Variants in AP3D1 observed in about 807,000 individuals in gnomAD.
The protein encoded by AP3D1 is adaptor related protein complex 3 subunit delta 1.
AP3D1 carries 51 observed loss-of-function variants against 147.6 expected under a neutral mutation model. That is an observed-to-expected ratio of 0.35 (90% CI 0.28 to 0.44). The LOEUF (loss-of-function observed/expected upper bound fraction) is 0.44. AP3D1 is among the 20% of genes least tolerant of loss of function. The pLI, the probability that AP3D1 is intolerant of heterozygous loss-of-function variation, is 1.00. For missense variants in AP3D1, 1,421 were observed against 1,624.2 expected (o/e 0.87, Z 2.15); for synonymous variants, 760 against 663.0 (o/e 1.15, Z -2.25).
In AP3D1 at chr19:2,112,975, G is replaced by A. The variant is rs2145028590; in HGVS notation, c.2680-8C>T. 1.2e-6 allele frequency: 2 copies of A among 1,604,100 alleles called. No homozygotes were observed. Among genetic ancestry groups the A allele is most frequent in the Non-Finnish European group, 1.7e-6 (2 of 1,175,926 alleles). On this transcript the variant is annotated splice_region_variant and splice_polypyrimidine_tract_variant and intron_variant, in intron 23 of 31. Transcript: ENST00000643116. ...GTTCACACTGAGCTCCCCCTGCAGG[G>A]AGCCAGGGCTTGGGGCTCATGCTGG...
chr19:2,132,504 A>C lies in AP3D1; in HGVS notation c.429T>G (p.Leu143=). The C allele has an allele frequency of 6.2e-7, 1 of 1,609,206 alleles. No individual in the cohort carries two copies. The highest frequency in any genetic ancestry group is 8.5e-7 in the Non-Finnish European group (1 of 1,175,964). Residue 143 remains leucine, a synonymous_variant, in exon 5 of 32, where the codon CTT becomes CTG. Transcript: ENST00000643116. ...TGLSCFVTPD[L]ARDLANDIMT... ...TGATGTCATTTGCCAGGTCTCTGGC[A>C]AGGTCTGGGGTGACGAAGCAGGACA...
At chr19:2,153,946 AT>A (rs879565994), upstream of AP3D1, among the ~76,000 whole-genome samples, 5,449 of 74,292 alleles carry the variant, frequency 0.073, 116 homozygotes, top group Non-Finnish European at 0.12. Context: ...CCCAGCCTGA[AT>A]TTTTTTTTTT....
chr19:2,112,859 C>T lies in AP3D1; in HGVS notation c.2787+1G>A. On this transcript the variant is annotated splice_donor_variant, in intron 24 of 31. Coordinates refer to ENST00000643116, the MANE Select transcript of AP3D1 (RefSeq NM_001261826.3). LOFTEE classifies it high-confidence loss of function. ...AGCCCCTGGGGGAGTGACAGCCTCACCTTGTCCTGGTCTTGCCCCTCGGCA... is the reference window on the plus strand; with the variant it reads ...AGCCCCTGGGGGAGTGACAGCCTCATCTTGTCCTGGTCTTGCCCCTCGGCA... The T allele has an allele frequency of 6.2e-7, 1 of 1,608,982 alleles. No individual in the cohort carries two copies.
At position 2,151,346 on chromosome 19, in the gene AP3D1, A is replaced by G. The variant is rs769361057; in HGVS notation, c.-12T>C. ...ATCTTGAGGGCCATCGCGGCGGCCC[A>G]CGGGCTTTTGCCTCGGGAGGCCCGC... On this transcript the variant is annotated 5_prime_UTR_variant, in exon 1 of 32. Transcript: ENST00000643116. 1 of 1,553,650 alleles carries G rather than the reference A, an allele frequency of 6.4e-7. No homozygotes were observed. Among genetic ancestry groups the G allele is most frequent in the Non-Finnish European group, 8.7e-7 (1 of 1,147,234 alleles).
intron 1 of AP3D1, among the ~76,000 whole-genome samples, chr19:2,163,717 C>A (rs973854338): frequency 6.6e-6 from 1 of 151,842 alleles, no homozygotes; most frequent in South Asian, 2.1e-4. Context: ...CGCTTCGGGC[C>A]GGCGAGTGGG....
intron 1 of AP3D1, among the ~76,000 whole-genome samples, chr19:2,162,651 G>T (rs1314079813): frequency 1.3e-5 from 2 of 148,932 alleles, no homozygotes; most frequent in Non-Finnish European, 3.0e-5. Flanking sequence ...GACAGAGCGA[G>T]ACTGTGTGTC....
At chr19:2,124,519 T>C (rs1343041285) in intron 9 of AP3D1, among the ~76,000 whole-genome samples, 1 of 152,184 alleles carries the variant, frequency 6.6e-6, no homozygotes, top group African/African-American at 2.4e-5. Context: ...GGACAGAGAC[T>C]CATTTTCCAC....
intron 31 of AP3D1, 111 bp downstream of exon 31, chr19:2,108,576 A>G (rs1456573927): frequency 3.1e-6 from 3 of 953,768 alleles, no homozygotes; most frequent in Non-Finnish European, 4.8e-6. Context: ...TGCTGCCATC[A>G]CTGTCCTCGA....
Position 2,111,920 on chromosome 19 carries a change from G to A in AP3D1, c.2788-92C>T. The A allele has an allele frequency of 1.9e-6, 3 of 1,582,178 alleles. No homozygotes were observed. In the East Asian group the frequency reaches 6.7e-5, roughly 36 times the overall value. On this transcript the variant is annotated intron_variant, in intron 24 of 31. Coordinates refer to ENST00000643116, the MANE Select transcript of AP3D1 (RefSeq NM_001261826.3). Reference sequence around the variant, plus strand: ...GTCAGGATCACAGCAGGGCTGCTCAGGCTGAGGGTCCCACGTGCCTGGGTG... The same window carrying A: ...GTCAGGATCACAGCAGGGCTGCTCAAGCTGAGGGTCCCACGTGCCTGGGTG...
intron 4 of AP3D1, among the ~76,000 whole-genome samples, chr19:2,134,905 AAAT>A (rs1445260266): frequency 1.3e-5 from 2 of 151,646 alleles, no homozygotes; most frequent in African/African-American, 4.8e-5. Flanking sequence ...CCGGCCCAGG[AAAT>A]AATTTTTTTT....
chr19:2,122,585 C>T (rs1022799426), intron 11 of AP3D1, among the ~76,000 whole-genome samples: 5 of 152,144 alleles, frequency 3.3e-5, no homozygotes, highest in South Asian at 2.1e-4. Flanking sequence ...GTGCCTATGG[C>T]GAAGTTCAGT....
Position 2,130,509 on chromosome 19 carries a change from T to A in AP3D1, c.491A>T (p.Lys164Met). 1 of 1,614,092 alleles carries A rather than the reference T, an allele frequency of 6.2e-7. No homozygotes were observed. The change falls in exon 6 of 32, where the codon AAG becomes ATG. Residue 164 changes from lysine to methionine, a missense_variant. By Grantham distance (95) the Lys-to-Met change is moderately conservative. Around this residue, in one of 6 missense-constraint regions of AP3D1, gnomAD observed 292 missense variants for 412.0 expected, o/e 0.71. Transcript: ENST00000643116. The stretch of plus-strand genomic sequence containing the variant: ...CTTGTACATGATCAGCACAGCCTTC[T>A]TCCTGATGTAGGGCTTGGTGTGTGA... Reference protein sequence around the residue: ...LMSHTKPYIRKKAVLIMYKVF... With the variant: ...LMSHTKPYIRMKAVLIMYKVF...
intron 31 of AP3D1, among the ~76,000 whole-genome samples, chr19:2,107,861 G>A (rs1208199368): frequency 2.6e-5 from 4 of 152,118 alleles, no homozygotes; most frequent in African/African-American, 7.2e-5. Flanking sequence ...GGAGCAGCGC[G>A]AATACGGCAC....
chr19:2,151,854 T>G (rs1310371929), upstream of AP3D1, among the ~76,000 whole-genome samples: 1 of 152,248 alleles, frequency 6.6e-6, no homozygotes, highest in Non-Finnish European at 1.5e-5. Flanking sequence ...TCCCACCAGC[T>G]GACAGGTGTG....
chr19:2,110,106 C>T lies in AP3D1; in HGVS notation c.3264+30G>A, dbSNP rs368539081. ...GAGGAGCCCCTGCCTGCAGAGTCGG[C>T]TCTTCAACGCCAAGTGGAGCCCTGC... On this transcript the variant is annotated intron_variant, in intron 28 of 31. Transcript: ENST00000643116. 1.9e-6 allele frequency: 3 copies of T among 1,606,426 alleles called. No homozygotes were observed. In the African/African-American group the frequency reaches 4.0e-5, roughly 21 times the overall value.
chr19:2,121,604 T>G, intron 12 of AP3D1, 130 bp downstream of exon 12: 3 of 1,323,042 alleles, frequency 2.3e-6, no homozygotes, highest in Non-Finnish European at 3.0e-6. Flanking sequence ...CCCTCTGCCC[T>G]GCCCCACCAC....
Position 2,162,374 on chromosome 19 carries a change from C to A in AP3D1, c.-103+1982G>T, listed in dbSNP as rs377353276. Among the ~76,000 whole-genome samples the A allele has an allele frequency of 4.2e-5, 6 of 144,286 alleles. No homozygotes were observed. In the East Asian group the frequency reaches 8.7e-4, roughly 21 times the overall value. 94.7% of individuals were successfully genotyped at this position (144,286 alleles called of 152,430 possible). A position where few individuals can be genotyped will look rare whatever the true frequency, so the allele number is the denominator to read the frequency against. Reference sequence around the variant, plus strand: ...TGATCAACACTAAAGGGGCCGGGTGCGGTGGCTGATGCCTATAAATCTCCG... The same window carrying A: ...TGATCAACACTAAAGGGGCCGGGTGAGGTGGCTGATGCCTATAAATCTCCG... On this transcript the variant is annotated intron_variant, in intron 1 of 14. Coordinates refer to the AP3D1 transcript ENST00000643010.
At chr19:2,140,014 A>C (rs1331695200) in intron 1 of AP3D1, among the ~76,000 whole-genome samples, 2 of 152,056 alleles carry the variant, frequency 1.3e-5, no homozygotes, top group African/African-American at 2.4e-5. Context: ...TCCATGCTTT[A>C]TGATCCAACT....
At chr19:2,126,858 C>T (rs925920548) in intron 9 of AP3D1, among the ~76,000 whole-genome samples, 3 of 152,070 alleles carry the variant, frequency 2.0e-5, no homozygotes, top group Admixed American at 6.6e-5. Context: ...GCTTTATCTG[C>T]AGGTGAATCT....
Sources: gnomAD v4.1 joint callset for allele counts (sites outside exome capture counted in the v4.1 genomes callset) on GRCh38, gnomAD v4.1.1 for gene constraint, gnomAD v4.1.1 regional missense constraint, MANE v1.5 for transcripts, NCBI Gene and HGNC (gene_info 2026-07-23, HGNC 2026-07-21) for gene names.